Variants in SPAG17 observed in about 807,000 individuals in gnomAD.
SPAG17 encodes sperm associated antigen 17.
Under a neutral mutation model 273.6 loss-of-function variants are expected in SPAG17, and 169 were observed. The observed-to-expected ratio is 0.62, with a 90% CI of 0.55 to 0.70. The LOEUF is 0.70. Among genes scored for constraint, SPAG17 ranks in the 30% least tolerant of loss-of-function variants. The pLI, the probability that SPAG17 is intolerant of heterozygous loss-of-function variation, is 0.00. For missense variants in SPAG17, 2,557 were observed against 2,627.8 expected, an observed-to-expected ratio of 0.97 and a Z score of 0.59; for synonymous variants, 825 against 873.2, an observed-to-expected ratio of 0.94 and a Z score of 0.97.
chr1:117,953,963 T>G lies in SPAG17; in HGVS notation c.*87A>C, dbSNP rs186958350. 3.3e-6 allele frequency: 5 copies of G among 1,507,306 alleles called. No individual in the cohort carries two copies. The highest frequency in any genetic ancestry group is 4.5e-6 in the Non-Finnish European group (5 of 1,099,702). The allele number at this position is 1,507,306 out of a possible 1,614,324, so 93.4% of individuals were successfully genotyped here. ...TTCCAGTTTCAGTGTCCTGGGATGA[T>G]GGAGTATGTTGTGATGACTTCTTTC... On this transcript the variant is annotated 3_prime_UTR_variant, in exon 49 of 49. Coordinates refer to ENST00000336338, the MANE Select transcript of SPAG17 (RefSeq NM_206996.4).
intron 30 of SPAG17, 68 bp downstream of exon 30, chr1:118,012,160 G>T: frequency 6.7e-7 from 1 of 1,485,990 alleles, no homozygotes; most frequent in South Asian, 1.2e-5. Context: ...AGCAGTCAGT[G>T]AGGATTCTAT....
intron 28 of SPAG17, among the ~76,000 whole-genome samples, chr1:118,018,959 C>A (rs183637899): frequency 6.8e-6 from 1 of 146,512 alleles, no homozygotes; most frequent in Admixed American, 6.9e-5. Context: ...TTCTTGGGCC[C>A]AGGAGGTTAG....
rs5777334 is a variant in SPAG17, at chr1:118,097,227, CAA to C, written c.1011+441_1011+442del. Among the ~76,000 whole-genome samples, 137 of 129,734 alleles carry C rather than the reference CAA, an allele frequency of 1.1e-3. No homozygotes were observed. The South Asian group carries it at 0.018, about 17-fold the overall frequency. 85.1% of individuals were successfully genotyped at this position (129,734 alleles called of 152,430 possible). A position where few individuals can be genotyped will look rare whatever the true frequency, so the allele number is the denominator to read the frequency against. ...CCTGGGCAACAGAGCAAGACTGTCT[CAA>C]AAAAAAAAAAAGGGGGGAATAAAAG... On this transcript the variant is annotated intron_variant, in intron 7 of 48. Transcript: ENST00000336338.
intron 3 of SPAG17, among the ~76,000 whole-genome samples, chr1:118,119,123 G>C (rs1657269118): frequency 6.6e-6 from 1 of 152,092 alleles, no homozygotes; most frequent in Admixed American, 6.5e-5. Flanking sequence ...ATGTGTGTGT[G>C]CATACATATA....
chr1:118,124,138 A>C (rs1349665039), intron 3 of SPAG17, among the ~76,000 whole-genome samples: 1 of 152,230 alleles, frequency 6.6e-6, no homozygotes, highest in Non-Finnish European at 1.5e-5. Flanking sequence ...AGAATGACAT[A>C]CCAAGTTAAG....
At chr1:118,044,548 A>T (rs74822651) in intron 20 of SPAG17, among the ~76,000 whole-genome samples, 1 of 152,246 alleles carries the variant, frequency 6.6e-6, no homozygotes, top group Non-Finnish European at 1.5e-5. Flanking sequence ...CAACTTGTTA[A>T]CAGCCACAAT....
chr1:118,171,670 T>G (rs1660424518), intron 1 of SPAG17, among the ~76,000 whole-genome samples: 1 of 152,220 alleles, frequency 6.6e-6, no homozygotes, highest in Non-Finnish European at 1.5e-5. Flanking sequence ...ATATCAAGTT[T>G]AAGTATTAAT....
rs146876429 is a variant in SPAG17, at chr1:117,980,787, T to C, written c.6004+483A>G. On this transcript the variant is annotated intron_variant, in intron 43 of 48. Coordinates refer to ENST00000336338, the MANE Select transcript of SPAG17 (RefSeq NM_206996.4). ...TAACTAGATATTATCCTGTATTATT[T>C]TATATTTCAATTTCTGCTAGTCCAA... Among the ~76,000 whole-genome samples, 394 of 152,308 alleles carry C rather than the reference T, an allele frequency of 2.6e-3. 1 individual carries two copies. Among genetic ancestry groups the C allele is most frequent in the African/African-American group, 8.4e-3 (349 of 41,560 alleles).
chr1:118,018,411 G>A (rs1169935453), intron 28 of SPAG17, among the ~76,000 whole-genome samples: 2 of 152,136 alleles, frequency 1.3e-5, no homozygotes, highest in Non-Finnish European at 2.9e-5. Context: ...TAGGTTTGAA[G>A]TGAAAATTCA....
intron 20 of SPAG17, among the ~76,000 whole-genome samples, chr1:118,049,121 C>T (rs1297367782): frequency 1.3e-5 from 2 of 152,058 alleles, no homozygotes; most frequent in African/African-American, 4.8e-5. Flanking sequence ...GACCTGACGG[C>T]TTTACTAATG....
chr1:117,974,529 T>TAAA (rs552448026), intron 43 of SPAG17, among the ~76,000 whole-genome samples: 2 of 150,098 alleles, frequency 1.3e-5, no homozygotes, highest in East Asian at 3.9e-4. Context: ...AACTAATGAG[T>TAAA]AAAAAAAAAA....
chr1:117,990,808 G>T, intron 38 of SPAG17, 53 bp downstream of exon 38: 3 of 1,195,866 alleles, frequency 2.5e-6, no homozygotes, highest in South Asian at 1.3e-5. Context: ...TATTTAAGAT[G>T]ATTCCTTTGA....
chr1:118,067,582 T>G (rs2102066642), intron 17 of SPAG17, among the ~76,000 whole-genome samples: 1 of 152,336 alleles, frequency 6.6e-6, no homozygotes, highest in Middle Eastern at 3.4e-3. Flanking sequence ...GACATCAGAC[T>G]TGCAGCTTCC....
intron 46 of SPAG17, among the ~76,000 whole-genome samples, chr1:117,967,379 C>G (rs1654000407): frequency 6.6e-6 from 1 of 151,664 alleles, no homozygotes; most frequent in Non-Finnish European, 1.5e-5. Context: ...GCAGGGGTGT[C>G]CAATATTTTG....
At chr1:118,123,088 GA>G (rs1657515482) in intron 3 of SPAG17, among the ~76,000 whole-genome samples, 1 of 152,136 alleles carries the variant, frequency 6.6e-6, no homozygotes, top group Non-Finnish European at 1.5e-5. Flanking sequence ...GGATGTAGAG[GA>G]AAAAATATGC....
rs751768930 is a variant in SPAG17, at chr1:118,097,653, G to C, written c.1011+17C>G. ...CACATGTTAAAACCATGCACTCTCA[G>C]TAATGTGTGTACTAACCATCATCTC... On this transcript the variant is annotated intron_variant, in intron 7 of 48. Coordinates refer to ENST00000336338, the MANE Select transcript of SPAG17 (RefSeq NM_206996.4). 1 of 1,551,704 alleles carries C rather than the reference G, an allele frequency of 6.4e-7. No individual in the cohort carries two copies. Among genetic ancestry groups the C allele is most frequent in the Non-Finnish European group, 8.7e-7 (1 of 1,153,870 alleles).
chr1:118,028,532 G>A (rs1648050819), intron 25 of SPAG17, 138 bp from the exon 26 acceptor site: 3 of 1,012,592 alleles, frequency 3.0e-6, no homozygotes, highest in Admixed American at 2.7e-5. Context: ...GGACGCAGGA[G>A]TCTCTGTGGT....
chr1:118,041,760 G>T, intron 21 of SPAG17, 43 bp downstream of exon 21: 1 of 1,577,268 alleles, frequency 6.3e-7, no homozygotes. Flanking sequence ...AAAACAATTA[G>T]GAATAGCCCA....
At chr1:118,036,012 G>A (rs1482744321) in intron 24 of SPAG17, among the ~76,000 whole-genome samples, 1 of 152,074 alleles carries the variant, frequency 6.6e-6, no homozygotes, top group African/African-American at 2.4e-5. Flanking sequence ...GGGAAACATA[G>A]TAAGACTTCA....
Sources: gnomAD v4.1 joint callset for allele counts (sites outside exome capture counted in the v4.1 genomes callset) on GRCh38, gnomAD v4.1.1 for gene constraint, MANE v1.5 for transcripts, NCBI Gene and HGNC (gene_info 2026-07-23, HGNC 2026-07-21) for gene names.